The following FYB1 variants were observed in gnomAD, a reference collection of about 807,000 sequenced individuals.
FYB1 encodes FYN-binding protein 1.
Under a neutral mutation model 94.1 loss-of-function variants are expected in FYB1, and 41 were observed. The ratio of observed to expected loss-of-function variants is 0.44; its 90% CI spans 0.34 to 0.57. FYB1 has a LOEUF of 0.57. Among genes scored for constraint, FYB1 ranks in the 20% least tolerant of loss-of-function variants. The pLI is 0.02. For synonymous variants in FYB1, 367 were observed against 353.2 expected (o/e 1.04, Z -0.44); for missense variants, 1,050 against 976.8 (o/e 1.07, Z -1.00).
intron 8 of FYB1, 117 bp downstream of exon 8, chr5:39,134,738 G>C: frequency 9.8e-7 from 1 of 1,025,112 alleles, no homozygotes; most frequent in Non-Finnish European, 1.4e-6. Context: ...TCCTCCCTTT[G>C]TCCACTCTGT....
chr5:39,161,385 A>G (rs531042094), intron 2 of FYB1, among the ~76,000 whole-genome samples: 20 of 152,332 alleles, frequency 1.3e-4, no homozygotes, highest in African/African-American at 4.6e-4. Flanking sequence ...GCTGAAAAGA[A>G]AAACCCCTGT....
At chr5:39,171,549 A>G (rs1400625181) in intron 2 of FYB1, among the ~76,000 whole-genome samples, 1 of 152,146 alleles carries the variant, frequency 6.6e-6, no homozygotes, top group African/African-American at 2.4e-5. Context: ...TATAAAATAA[A>G]TGGTGGGTAC....
intron 1 of FYB1, among the ~76,000 whole-genome samples, chr5:39,246,422 A>G (rs1751480911): frequency 6.6e-6 from 1 of 152,186 alleles, no homozygotes; most frequent in Non-Finnish European, 1.5e-5. Flanking sequence ...TTGCCAACCA[A>G]TTCTGCTCCT....
intron 10 of FYB1, among the ~76,000 whole-genome samples, 173 bp from the exon 11 acceptor site, chr5:39,127,980 G>A (rs2150302979): frequency 6.6e-6 from 1 of 152,216 alleles, no homozygotes; most frequent in South Asian, 2.1e-4. Flanking sequence ...ATTCTTAGGG[G>A]TGAAATTACA....
chr5:39,191,632 G>A (rs1307712385), intron 2 of FYB1, among the ~76,000 whole-genome samples: 2 of 152,144 alleles, frequency 1.3e-5, no homozygotes, highest in Non-Finnish European at 2.9e-5. Flanking sequence ...TTTAAACAAA[G>A]AGACATATTT....
intron 1 of FYB1, among the ~76,000 whole-genome samples, chr5:39,258,078 A>C (rs918044402): frequency 3.3e-5 from 5 of 152,236 alleles, no homozygotes; most frequent in East Asian, 3.9e-4. Flanking sequence ...GCGGCCCAAG[A>C]AGTTCTATTA....
chr5:39,170,581 TTCA>T (rs1267725167), intron 2 of FYB1, among the ~76,000 whole-genome samples: 1 of 152,188 alleles, frequency 6.6e-6, no homozygotes, highest in Non-Finnish European at 1.5e-5. Context: ...TTGTGCAAAC[TTCA>T]TCATCTCTTA....
At chr5:39,111,398 G>C (rs1739066414) in intron 16 of FYB1, among the ~76,000 whole-genome samples, 1 of 151,644 alleles carries the variant, frequency 6.6e-6, no homozygotes, top group African/African-American at 2.4e-5. Flanking sequence ...CAAATTATAA[G>C]GAGAAAGCTC....
intron 1 of FYB1, among the ~76,000 whole-genome samples, chr5:39,231,154 A>AC (rs1750720282): frequency 3.4e-5 from 4 of 117,628 alleles, no homozygotes; most frequent in Non-Finnish European, 6.4e-5. Flanking sequence ...GAGCAAAAAA[A>AC]AAAAAAACAA....
intron 1 of FYB1, among the ~76,000 whole-genome samples, chr5:39,246,157 T>A (rs1751470614): frequency 6.6e-6 from 1 of 152,030 alleles, no homozygotes; most frequent in East Asian, 1.9e-4. Flanking sequence ...GGCATGAGGA[T>A]GAAAAGTGAG....
chr5:39,141,175 A>T, intron 3 of FYB1, 34 bp from the exon 4 acceptor site: 2 of 1,423,032 alleles, frequency 1.4e-6, no homozygotes, highest in South Asian at 1.2e-5. Context: ...GTGAACATGG[A>T]ACAAGTAGAT....
At chr5:39,129,995 A>G (rs1166853131) in intron 10 of FYB1, among the ~76,000 whole-genome samples, 2 of 152,100 alleles carry the variant, frequency 1.3e-5, no homozygotes, top group African/African-American at 4.8e-5. Context: ...TAGCAAAGAT[A>G]TAGAATCAAC....
chr5:39,252,473 C>T (rs955953321), intron 1 of FYB1, among the ~76,000 whole-genome samples: 1 of 152,136 alleles, frequency 6.6e-6, no homozygotes, highest in Non-Finnish European at 1.5e-5. Flanking sequence ...CACACAAACA[C>T]ACAAACAATC....
intron 1 of FYB1, among the ~76,000 whole-genome samples, chr5:39,265,441 G>A (rs535078725): frequency 2.7e-5 from 4 of 150,712 alleles, no homozygotes; most frequent in Non-Finnish European, 5.9e-5. Flanking sequence ...CTGAGTTCAC[G>A]CCACTGCACT....
At chr5:39,238,093 C>A (rs1350160858) in intron 1 of FYB1, among the ~76,000 whole-genome samples, 1 of 152,002 alleles carries the variant, frequency 6.6e-6, no homozygotes, top group East Asian at 1.9e-4. Flanking sequence ...TGAACACCAC[C>A]ATGTGAATGT....
At chr5:39,248,858 C>T (rs913812806) in intron 1 of FYB1, among the ~76,000 whole-genome samples, 1 of 152,140 alleles carries the variant, frequency 6.6e-6, no homozygotes, top group African/African-American at 2.4e-5. Context: ...GCCTAAATAT[C>T]TTAAATATTC....
intron 1 of FYB1, among the ~76,000 whole-genome samples, chr5:39,265,981 T>TG (rs1189301554): frequency 1.3e-5 from 2 of 150,912 alleles, no homozygotes; most frequent in Non-Finnish European, 3.0e-5. Flanking sequence ...TTTTACTGTT[T>TG]TTTTTTTTTT....
At chr5:39,264,994 G>A (rs549434462) in intron 1 of FYB1, among the ~76,000 whole-genome samples, 8 of 152,270 alleles carry the variant, frequency 5.3e-5, no homozygotes, top group Admixed American at 1.3e-4. Context: ...TTCTCCAAGC[G>A]TGGGCCCTGG....
At chr5:39,126,986 A>C (rs1411575808) in intron 11 of FYB1, among the ~76,000 whole-genome samples, 1 of 143,624 alleles carries the variant, frequency 7.0e-6, no homozygotes, top group Admixed American at 7.2e-5. Context: ...TGAACCTGGG[A>C]GGCAGAGATT....
Sources: allele counts gnomAD v4.1 joint callset (sites outside exome capture counted in the v4.1 genomes callset), GRCh38; gene constraint gnomAD v4.1.1; transcripts MANE v1.5; gene names NCBI Gene and HGNC (gene_info 2026-07-23, HGNC 2026-07-21).